The following DMD variants were observed in gnomAD, a reference collection of about 807,000 sequenced individuals.
The protein encoded by DMD is mutant dystrophin.
Under a neutral mutation model 330.1 loss-of-function variants are expected in DMD, and 63 were observed. That is an observed-to-expected ratio of 0.19 (90% CI 0.16 to 0.24). The LOEUF is 0.24. Ranked by LOEUF, DMD falls within the 10% of genes least tolerant of loss-of-function variation. The pLI is 1.00. For missense variants in DMD, 3,344 were observed against 2,684.1 expected (o/e 1.25, Z -5.43); for synonymous variants, 1,223 against 959.8 (o/e 1.27, Z -5.07).
intron 57 of DMD, among the ~76,000 whole-genome samples, chrX:31,481,265 G>A (rs894310184): frequency 6.2e-5 from 7 of 112,246 alleles, no homozygotes; most frequent in Non-Finnish European, 1.1e-4. Flanking sequence ...ACCTTTGAAC[G>A]GTTTTAACCA....
chrX:32,915,919 C>A (rs1180118757), intron 2 of DMD, among the ~76,000 whole-genome samples: 1 of 110,727 alleles, frequency 9.0e-6, no homozygotes, highest in Non-Finnish European at 1.9e-5. Context: ...TTTGACTGGG[C>A]TATTCTGGGA....
intron 55 of DMD, among the ~76,000 whole-genome samples, chrX:31,546,235 T>C (rs891150182): frequency 7.1e-5 from 8 of 112,437 alleles, no homozygotes; most frequent in African/African-American, 2.6e-4. Context: ...ATGTGTTAAA[T>C]CAATGTAATC....
intron 7 of DMD, among the ~76,000 whole-genome samples, chrX:32,771,866 C>A (rs2073645562): frequency 9.0e-6 from 1 of 111,713 alleles, no homozygotes; most frequent in South Asian, 3.7e-4. Flanking sequence ...ATGGGCTCAA[C>A]ATCTAAGTAT....
intron 50 of DMD, among the ~76,000 whole-genome samples, chrX:31,814,093 T>C (rs1181592487): frequency 3.6e-5 from 4 of 110,863 alleles, no homozygotes; most frequent in African/African-American, 1.3e-4. Flanking sequence ...TTAGGCTTCT[T>C]GACCTCCAAT....
At chrX:31,983,338 T>C (rs1185067814) in intron 44 of DMD, among the ~76,000 whole-genome samples, 1 of 111,336 alleles carries the variant, frequency 9.0e-6, no homozygotes, top group Non-Finnish European at 1.9e-5. Flanking sequence ...CAAAACTCAA[T>C]ATTTCATTTA....
intron 74 of DMD, 73 bp from the exon 75 acceptor site, chrX:31,147,591 T>C: frequency 1.2e-6 from 1 of 854,556 alleles, no homozygotes; most frequent in Non-Finnish European, 1.7e-6. Context: ...GTAATTTGAA[T>C]ATCATCACCA....
chrX:33,045,349 G>T (rs190775312), intron 1 of DMD, among the ~76,000 whole-genome samples: 294 of 33,334 alleles, frequency 8.8e-3, no homozygotes, highest in Non-Finnish European at 0.014. Flanking sequence ...CAAGTATTTC[G>T]TGAGATTGTA....
intron 1 of DMD, among the ~76,000 whole-genome samples, chrX:33,081,433 C>A (rs1455411594): frequency 9.0e-6 from 1 of 111,649 alleles, no homozygotes; most frequent in Admixed American, 9.5e-5. Flanking sequence ...GCCACCACGC[C>A]TGGCTAATTT....
In DMD at chrX:31,673,624, G is replaced by T. The variant is rs751329856; in HGVS notation, c.7872+5751C>A. Among the ~76,000 whole-genome samples the T allele has an allele frequency of 3.6e-5, 4 of 110,348 alleles. No homozygotes were observed. In the South Asian group the frequency reaches 1.5e-3, roughly 41 times the overall value. On this transcript the variant is annotated intron_variant, in intron 53 of 78. Coordinates refer to ENST00000357033, the MANE Select transcript of DMD (RefSeq NM_004006.3). ...CTCCATCTCAAAAAAAGGAAAAAAA[G>T]AAAGAAAAGAAAAAAGAAAAGATGA...
chrX:31,524,923 A>T (rs1441664978), intron 55 of DMD, among the ~76,000 whole-genome samples: 2 of 112,180 alleles, frequency 1.8e-5, no homozygotes, highest in Non-Finnish European at 3.8e-5. Context: ...GGTGCCTGAG[A>T]AAGCAAGGAA....
chrX:32,000,492 A>T (rs973486483), intron 44 of DMD, among the ~76,000 whole-genome samples: 1 of 112,190 alleles, frequency 8.9e-6, no homozygotes, highest in Non-Finnish European at 1.9e-5. Context: ...GCTTCATGAA[A>T]TTACCTTAAA....
intron 54 of DMD, among the ~76,000 whole-genome samples, chrX:31,654,593 A>G (rs866407118): frequency 8.9e-6 from 1 of 112,015 alleles, no homozygotes; most frequent in African/African-American, 3.2e-5. Flanking sequence ...AAAGAATGAG[A>G]TCATGTCCTT....
At chrX:32,276,449 C>T (rs1367976548) in intron 43 of DMD, among the ~76,000 whole-genome samples, 1 of 112,030 alleles carries the variant, frequency 8.9e-6, no homozygotes, top group Non-Finnish European at 1.9e-5. Flanking sequence ...GCAGTGCAGC[C>T]CACAGTAACA....
intron 2 of DMD, among the ~76,000 whole-genome samples, chrX:32,915,986 C>T (rs1336457625): frequency 1.8e-5 from 2 of 110,941 alleles, no homozygotes; most frequent in Admixed American, 1.9e-4. Flanking sequence ...GATTGATGAA[C>T]TGTAAGGCAT....
intron 9 of DMD, 45 bp from the exon 10 acceptor site, chrX:32,645,197 C>A: frequency 8.8e-7 from 1 of 1,141,623 alleles, no homozygotes; most frequent in Non-Finnish European, 1.2e-6. Flanking sequence ...AATGTCTTTG[C>A]AGATTGTTCC....
chrX:32,202,362 A>C (rs925893634), intron 44 of DMD, among the ~76,000 whole-genome samples: 3 of 110,684 alleles, frequency 2.7e-5, no homozygotes, highest in Non-Finnish European at 5.7e-5. Flanking sequence ...TTTCTTTTTT[A>C]TTTCTTTTGA....
chrX:32,168,069 C>A (rs1446031336), intron 44 of DMD, among the ~76,000 whole-genome samples: 1 of 112,373 alleles, frequency 8.9e-6, no homozygotes, highest in East Asian at 2.8e-4. Context: ...TCAACTGCAG[C>A]CTGGGGCCTG....
chrX:32,518,302 G>A (rs1358102936), intron 17 of DMD, among the ~76,000 whole-genome samples, 171 bp from the exon 18 acceptor site: 1 of 110,658 alleles, frequency 9.0e-6, no homozygotes, highest in African/African-American at 3.3e-5. Flanking sequence ...ACTCAAATTT[G>A]GAGTCAGCTT....
intron 47 of DMD, among the ~76,000 whole-genome samples, chrX:31,886,498 T>C (rs988631484): frequency 4.5e-5 from 5 of 112,163 alleles, no homozygotes; most frequent in Non-Finnish European, 9.4e-5. Context: ...TAATGAGGAA[T>C]AGACCATTTA....
Sources: allele counts gnomAD v4.1 joint callset (sites outside exome capture counted in the v4.1 genomes callset), GRCh38; gene constraint gnomAD v4.1.1; transcripts MANE v1.5; gene names NCBI Gene and HGNC (gene_info 2026-07-23, HGNC 2026-07-21).